Variants in SCFD2 observed in about 807,000 individuals in gnomAD.
The protein encoded by SCFD2 is sec1 family domain-containing protein 2.
Under a neutral mutation model 58.9 loss-of-function variants are expected in SCFD2, and 54 were observed. The ratio of observed to expected loss-of-function variants is 0.92; its 90% confidence interval spans 0.74 to 1.15. The LOEUF is 1.15. SCFD2 is among the 50% of genes most tolerant of loss of function. The probability of loss-of-function intolerance (pLI) is 0.00; values close to 1 mark genes in which losing one functional copy is unlikely to be tolerated. For missense variants in SCFD2, 805 were observed against 836.6 expected (o/e 0.96, Z 0.47); for synonymous variants, 321 against 335.9 (o/e 0.96, Z 0.49).
intron 4 of SCFD2, among the ~76,000 whole-genome samples, chr4:53,210,797 G>A (rs1248495892): frequency 2.0e-5 from 3 of 151,958 alleles, no homozygotes; most frequent in African/African-American, 4.8e-5. Context: ...TTAGACCTCA[G>A]GGGCAGGCTT....
chr4:53,051,894 C>A (rs1018047740), intron 5 of SCFD2, among the ~76,000 whole-genome samples: 1 of 152,040 alleles, frequency 6.6e-6, no homozygotes, highest in African/African-American at 2.4e-5. Flanking sequence ...CAGAAAAGAT[C>A]TGAACATATT....
At chr4:52,886,091 C>T (rs1318324893) in intron 7 of SCFD2, among the ~76,000 whole-genome samples, 1 of 152,202 alleles carries the variant, frequency 6.6e-6, no homozygotes, top group Non-Finnish European at 1.5e-5. Context: ...GGATTGAGAA[C>T]TTGTCTTCCC....
At chr4:52,894,230 C>CA (rs1224741709) in intron 7 of SCFD2, among the ~76,000 whole-genome samples, 1 of 151,888 alleles carries the variant, frequency 6.6e-6, no homozygotes, top group Non-Finnish European at 1.5e-5. Flanking sequence ...AATGAAAGAA[C>CA]AAAAAAAGAA....
chr4:53,123,498 T>G (rs781337977), intron 5 of SCFD2, among the ~76,000 whole-genome samples: 1 of 119,396 alleles, frequency 8.4e-6, no homozygotes, highest in South Asian at 3.0e-4. Flanking sequence ...ACCAGTGCCC[T>G]AAGGGTTACC....
At chr4:53,030,959 T>C (rs1722601848) in intron 5 of SCFD2, among the ~76,000 whole-genome samples, 1 of 152,208 alleles carries the variant, frequency 6.6e-6, no homozygotes, top group African/African-American at 2.4e-5. Context: ...TAAAAATAAT[T>C]AAACTCTTGA....
intron 5 of SCFD2, among the ~76,000 whole-genome samples, chr4:52,943,619 C>A (rs549728306): frequency 6.6e-6 from 1 of 152,272 alleles, no homozygotes; most frequent in South Asian, 2.1e-4. Flanking sequence ...CTCCATAGAG[C>A]CCCTTTATAA....
rs1250031739 is a variant in SCFD2, at chr4:53,256,931, G to A, written c.1311+16895C>T. Among the ~76,000 whole-genome samples the A allele has an allele frequency of 2.4e-5, 3 of 123,730 alleles. No individual in the cohort carries two copies. In the East Asian group the frequency reaches 8.9e-4, roughly 37 times the overall value. The allele number at this position is 123,730 out of a possible 152,430, so 81.2% of individuals were successfully genotyped here. A position where few individuals can be genotyped will look rare whatever the true frequency, so the allele number is the denominator to read the frequency against. Reference sequence around the variant, plus strand: ...GGGACGGGGAGGGGGAGGGGGAGGGGGAGGGAGAGGGAGAGCTAAACCTTT... The same window carrying A: ...GGGACGGGGAGGGGGAGGGGGAGGGAGAGGGAGAGGGAGAGCTAAACCTTT... On this transcript the variant is annotated intron_variant, in intron 4 of 8. Transcript: ENST00000401642.
chr4:53,187,378 A>G (rs1312087251), intron 4 of SCFD2, among the ~76,000 whole-genome samples: 1 of 152,102 alleles, frequency 6.6e-6, no homozygotes, highest in Non-Finnish European at 1.5e-5. Context: ...TAAAATGTGC[A>G]TACCTTCCTA....
At chr4:53,323,329 T>G (rs1733079417) in intron 2 of SCFD2, among the ~76,000 whole-genome samples, 2 of 152,118 alleles carry the variant, frequency 1.3e-5, no homozygotes, top group South Asian at 4.1e-4. Flanking sequence ...AGAACAGTGT[T>G]GAAGTGTTAC....
intron 5 of SCFD2, among the ~76,000 whole-genome samples, chr4:52,962,764 A>C (rs1329169609): frequency 2.0e-5 from 3 of 152,202 alleles, no homozygotes; most frequent in African/African-American, 7.2e-5. Context: ...AGCAGTAGGA[A>C]ACCTGCCTTA....
chr4:53,068,345 C>G (rs1374711437), intron 5 of SCFD2, among the ~76,000 whole-genome samples: 2 of 151,944 alleles, frequency 1.3e-5, no homozygotes, highest in Non-Finnish European at 2.9e-5. Flanking sequence ...AATCAATTGG[C>G]AATTTTTCTA....
chr4:52,946,577 C>G (rs1405474494), intron 5 of SCFD2, among the ~76,000 whole-genome samples: 1 of 152,086 alleles, frequency 6.6e-6, no homozygotes, highest in Non-Finnish European at 1.5e-5. Flanking sequence ...ATCATAACAA[C>G]TAAGATTAGG....
At chr4:53,184,490 A>G (rs1727682264) in intron 4 of SCFD2, among the ~76,000 whole-genome samples, 1 of 152,142 alleles carries the variant, frequency 6.6e-6, no homozygotes, top group Non-Finnish European at 1.5e-5. Flanking sequence ...CCCTCATACC[A>G]AGAAATTGCA....
chr4:52,989,094 T>A (rs914827770), intron 5 of SCFD2, among the ~76,000 whole-genome samples: 3 of 152,224 alleles, frequency 2.0e-5, no homozygotes, highest in African/African-American at 7.2e-5. Context: ...TATAAAGTTA[T>A]AACATCAGGG....
chr4:53,294,925 GT>G (rs1457101692), intron 3 of SCFD2, among the ~76,000 whole-genome samples: 1 of 152,110 alleles, frequency 6.6e-6, no homozygotes, highest in Non-Finnish European at 1.5e-5. Flanking sequence ...TTTTTGTCAG[GT>G]TTGTTAAAGA....
chr4:53,030,235 T>C (rs903116835), intron 5 of SCFD2, among the ~76,000 whole-genome samples: 1 of 152,150 alleles, frequency 6.6e-6, no homozygotes, highest in Non-Finnish European at 1.5e-5. Flanking sequence ...TCAGTATCAT[T>C]AGTCATTAGG....
chr4:53,189,095 A>G (rs1727819741), intron 4 of SCFD2, among the ~76,000 whole-genome samples: 1 of 152,208 alleles, frequency 6.6e-6, no homozygotes, highest in South Asian at 2.1e-4. Flanking sequence ...ATCAGCCTTA[A>G]AACTTTTCTC....
intron 4 of SCFD2, among the ~76,000 whole-genome samples, chr4:53,257,557 G>A (rs1429888093): frequency 6.6e-6 from 1 of 152,116 alleles, no homozygotes; most frequent in Non-Finnish European, 1.5e-5. Context: ...TCTTCTTGAT[G>A]GAAATCAGGA....
intron 5 of SCFD2, among the ~76,000 whole-genome samples, chr4:52,979,829 A>T (rs6817299): frequency 0.016 from 2,383 of 152,142 alleles, 66 homozygotes; most frequent in African/African-American, 0.055. Context: ...CTGCACACCT[A>T]CCCAGGCCAG....
Sources: allele counts gnomAD v4.1 joint callset (sites outside exome capture counted in the v4.1 genomes callset), GRCh38; gene constraint gnomAD v4.1.1; transcripts MANE v1.5; gene names NCBI Gene and HGNC (gene_info 2026-07-23, HGNC 2026-07-21).